CDKL4: variants seen among roughly 807,000 people sequenced by gnomAD.
CDKL4 encodes cyclin-dependent kinase-like 4.
In CDKL4, 44 loss-of-function variants were observed where a neutral mutation model predicts 42.0. The observed-to-expected ratio is 1.05, with a 90% confidence interval of 0.82 to 1.35. CDKL4 has a LOEUF of 1.35. Among genes scored for constraint, CDKL4 ranks in the 40% most tolerant of loss-of-function variants. The pLI is 0.00. For missense variants in CDKL4, 393 were observed against 369.9 expected (o/e 1.06, Z -0.51); for synonymous variants, 120 against 121.6 (o/e 0.99, Z 0.09).
downstream of CDKL4, among the ~76,000 whole-genome samples, chr2:39,171,837 G>A (rs914033868): frequency 1.8e-4 from 28 of 152,170 alleles, no homozygotes; most frequent in African/African-American, 6.3e-4. Context: ...CCATGATGGC[G>A]CAGTATTTGG....
At chr2:39,220,976 C>CTTTTTTTTTTTTTGTTGTTGTTTTT (rs1678289628) in intron 3 of CDKL4, among the ~76,000 whole-genome samples, 1 of 49,146 alleles carries the variant, frequency 2.0e-5, no homozygotes, top group African/African-American at 7.3e-5. Flanking sequence ...CATCGACGAT[C>CTTTTTTTTTTTTTGTTGTTGTTTTT]TTTTTTTTTT....
At chr2:39,195,721 C>G (rs904751837) in intron 5 of CDKL4, among the ~76,000 whole-genome samples, 1 of 149,464 alleles carries the variant, frequency 6.7e-6, no homozygotes, top group South Asian at 2.1e-4. Context: ...TGGCTCACTG[C>G]AACCTCTGTC....
chr2:39,224,596 T>C (rs974805520), intron 3 of CDKL4, among the ~76,000 whole-genome samples: 4 of 149,174 alleles, frequency 2.7e-5, no homozygotes, highest in African/African-American at 9.9e-5. Flanking sequence ...CTCCGCCTCC[T>C]GGGTTGAAGC....
chr2:39,211,643 A>C (rs929204198), intron 4 of CDKL4, among the ~76,000 whole-genome samples: 1 of 152,074 alleles, frequency 6.6e-6, no homozygotes, highest in African/African-American at 2.4e-5. Context: ...GTTCTTTTCC[A>C]TACAATTCCA....
chr2:39,192,347 T>A (rs1676237339), intron 5 of CDKL4, among the ~76,000 whole-genome samples: 1 of 152,096 alleles, frequency 6.6e-6, no homozygotes, highest in Non-Finnish European at 1.5e-5. Flanking sequence ...GTCTTTTTCT[T>A]ATTTACAGCA....
At chr2:39,221,052 C>T (rs1350840359) in intron 3 of CDKL4, among the ~76,000 whole-genome samples, 8 of 119,258 alleles carry the variant, frequency 6.7e-5, no homozygotes, top group African/African-American at 9.7e-5. Context: ...TCGCTCTTGT[C>T]GCCCAGGCTG....
chr2:39,220,878 C>A (rs564041027), intron 3 of CDKL4, among the ~76,000 whole-genome samples: 1 of 147,486 alleles, frequency 6.8e-6, no homozygotes, highest in South Asian at 2.2e-4. Flanking sequence ...TGAGCCACTG[C>A]GCCTGGCCCA....
At chr2:39,184,715 C>T (rs1007409653) in intron 7 of CDKL4, 68 bp from the exon 8 acceptor site, 58 of 992,190 alleles carry the variant, frequency 5.8e-5, no homozygotes, top group East Asian at 7.4e-5. Flanking sequence ...TATATATGTG[C>T]GTATGTATGT....
downstream of CDKL4, among the ~76,000 whole-genome samples, chr2:39,173,253 G>C (rs1327125859): frequency 6.6e-6 from 1 of 152,202 alleles, no homozygotes; most frequent in Non-Finnish European, 1.5e-5. Flanking sequence ...AGCTAGAGCA[G>C]TATGAGTGGT....
intron 1 of CDKL4, among the ~76,000 whole-genome samples, chr2:39,232,621 C>A (rs1679139769): frequency 6.6e-6 from 1 of 152,202 alleles, no homozygotes; most frequent in African/African-American, 2.4e-5. Flanking sequence ...AGGACAGTGA[C>A]TGCTGCCTAA....
intron 2 of CDKL4, 129 bp from the exon 3 acceptor site, chr2:39,226,089 C>G (rs1678698392): frequency 1.2e-6 from 1 of 854,218 alleles, no homozygotes; most frequent in Non-Finnish European, 1.6e-6. Context: ...TAAGTGGTAA[C>G]AAAATTGCTT....
At chr2:39,193,987 A>T (rs1676355698) in intron 5 of CDKL4, among the ~76,000 whole-genome samples, 1 of 152,242 alleles carries the variant, frequency 6.6e-6, no homozygotes, top group African/African-American at 2.4e-5. Context: ...TTTTCTCAGT[A>T]ATAAATGGTT....
intron 7 of CDKL4, among the ~76,000 whole-genome samples, chr2:39,186,408 T>G (rs1265664010): frequency 2.0e-5 from 3 of 152,200 alleles, no homozygotes; most frequent in African/African-American, 7.2e-5. Context: ...GACTCCAGCA[T>G]AGTTGGAGTG....
intron 4 of CDKL4, among the ~76,000 whole-genome samples, chr2:39,208,701 CTTTTTT>C (rs761337117): frequency 2.0e-5 from 2 of 101,998 alleles, no homozygotes; most frequent in African/African-American, 3.6e-5. Context: ...GACGGGCAAT[CTTTTTT>C]TTTTTTTTTT....
At chr2:39,193,155 C>T (rs1221746626) in intron 5 of CDKL4, among the ~76,000 whole-genome samples, 1 of 146,960 alleles carries the variant, frequency 6.8e-6, no homozygotes, top group Non-Finnish European at 1.5e-5. Context: ...AAAAAGGAGC[C>T]AGGTTTGGTG....
chr2:39,242,420 T>C (rs1573041545), intron 1 of CDKL4, among the ~76,000 whole-genome samples: 1 of 152,204 alleles, frequency 6.6e-6, no homozygotes, highest in East Asian at 1.9e-4. Context: ...CTTCCTGACT[T>C]CAGAATTTAC....
intron 5 of CDKL4, among the ~76,000 whole-genome samples, chr2:39,195,372 G>C (rs1237679946): frequency 6.6e-6 from 1 of 152,104 alleles, no homozygotes; most frequent in Non-Finnish European, 1.5e-5. Flanking sequence ...TTTTTGAAGA[G>C]CTGCCATACT....
At chr2:39,179,262 G>A (rs763558356) in exon 9 of CDKL4, 2 of 1,613,316 alleles carry the variant, frequency 1.2e-6, no homozygotes, top group African/African-American at 1.3e-5. Context: ...AATCAAAGTA[G>A]GAGCTCTCCA....
chr2:39,210,864 A>G (rs990057559), intron 4 of CDKL4, among the ~76,000 whole-genome samples: 3 of 152,234 alleles, frequency 2.0e-5, no homozygotes, highest in Non-Finnish European at 4.4e-5. Flanking sequence ...ATATCCCTCT[A>G]CATTAATAGA....
Sources: allele counts gnomAD v4.1 joint callset (sites outside exome capture counted in the v4.1 genomes callset), GRCh38; gene constraint gnomAD v4.1.1; transcripts MANE v1.5; gene names NCBI Gene and HGNC (gene_info 2026-07-23, HGNC 2026-07-21).